Variants in CDH2 observed in about 807,000 individuals in gnomAD.
The protein encoded by CDH2 is cadherin-2.
CDH2 carries 17 observed loss-of-function variants against 92.0 expected under a neutral mutation model. The ratio of observed to expected loss-of-function variants is 0.18; its 90% CI spans 0.13 to 0.28. The LOEUF (loss-of-function observed/expected upper bound fraction) is 0.28, where lower values mean the gene tolerates loss of function less well. CDH2 is among the 10% of genes least tolerant of loss of function. The pLI, the probability that CDH2 is intolerant of heterozygous loss-of-function variation, is 1.00. For synonymous variants in CDH2, 419 were observed against 415.9 expected, an observed-to-expected ratio of 1.01 and a Z score of -0.09; for missense variants, 862 against 1,133.1, an observed-to-expected ratio of 0.76 and a Z score of 3.44.
At chr18:27,993,252 T>A (rs909139675) in intron 8 of CDH2, among the ~76,000 whole-genome samples, 3 of 152,170 alleles carry the variant, frequency 2.0e-5, no homozygotes, top group African/African-American at 7.2e-5. Context: ...AACAGCACAG[T>A]CTTTTTAGGA....
At position 28,114,155 on chromosome 18, in the gene CDH2, A is replaced by G. The variant is rs1236044200; in HGVS notation, c.172+33518T>C. ...GTGTTCTATAGCACTGTAGGATGAC[A>G]CTAACAATATTTCATAGTTTCAAAT... On this transcript the variant is annotated intron_variant, in intron 2 of 15. Transcript: ENST00000269141. Among the ~76,000 whole-genome samples, 4 of 152,156 alleles carry G rather than the reference A, an allele frequency of 2.6e-5. No individual in the cohort carries two copies. The East Asian group carries it at 5.8e-4, about 22-fold the overall frequency.
chr18:27,949,888 A>C (rs984630236), downstream of CDH2, among the ~76,000 whole-genome samples: 1 of 152,044 alleles, frequency 6.6e-6, no homozygotes, highest in Non-Finnish European at 1.5e-5. Context: ...ATACATATAC[A>C]CACTAGATAT....
At chr18:28,098,628 A>C (rs2015176625) in intron 2 of CDH2, among the ~76,000 whole-genome samples, 1 of 152,146 alleles carries the variant, frequency 6.6e-6, no homozygotes. Context: ...GCTTAGGAAC[A>C]CTAGACAGCA....
At position 28,177,100 on chromosome 18, in the gene CDH2, G is replaced by C. The variant is rs2016561104; in HGVS notation, c.-78C>G. The C allele has an allele frequency of 8.8e-7, 1 of 1,134,176 alleles. No individual in the cohort carries two copies. Among genetic ancestry groups the C allele is most frequent in the East Asian group, 3.0e-5 (1 of 33,126 alleles). The allele number at this position is 1,134,176 out of a possible 1,614,324, so 70.3% of individuals were successfully genotyped here. A position where few individuals can be genotyped will look rare whatever the true frequency, so the allele number is the denominator to read the frequency against. ...CGGCGGCGGAGGAGGAGGAGGCAGC[G>C]GCAGCACCAACAGCGGCGCGGAGAA... On this transcript the variant is annotated 5_prime_UTR_variant, in exon 1 of 16. Coordinates refer to ENST00000269141, the MANE Select transcript of CDH2 (RefSeq NM_001792.5).
chr18:28,113,928 C>A (rs2144258777), intron 2 of CDH2, among the ~76,000 whole-genome samples: 1 of 152,108 alleles, frequency 6.6e-6, no homozygotes, highest in Admixed American at 6.5e-5. Flanking sequence ...ATGACAGTAT[C>A]TGGAGAAAGA....
chr18:27,946,589 A>G (rs942376264), downstream of CDH2, among the ~76,000 whole-genome samples: 1 of 152,032 alleles, frequency 6.6e-6, no homozygotes, highest in African/African-American at 2.4e-5. Context: ...TTTAATGGAG[A>G]GTTCATTGTG....
intron 2 of CDH2, among the ~76,000 whole-genome samples, chr18:28,066,040 T>G (rs1449106267): frequency 1.3e-5 from 2 of 152,206 alleles, no homozygotes; most frequent in African/African-American, 4.8e-5. Context: ...TCTCCCTATT[T>G]GTGCATCAAA....
intron 2 of CDH2, among the ~76,000 whole-genome samples, chr18:28,111,726 G>A (rs761310562): frequency 6.6e-6 from 1 of 152,164 alleles, no homozygotes; most frequent in Non-Finnish European, 1.5e-5. Flanking sequence ...GATTGAAAAT[G>A]TCATTCACCT....
At chr18:28,084,839 A>T (rs2014897336) in intron 2 of CDH2, among the ~76,000 whole-genome samples, 1 of 152,124 alleles carries the variant, frequency 6.6e-6, no homozygotes, top group East Asian at 1.9e-4. Context: ...TAATCTGGTA[A>T]CCAGTAACAA....
rs745456184 is a variant in CDH2 at position 28,147,710 on chromosome 18, T to C, written c.135A>G (p.Leu45=). 5.6e-6 allele frequency: 9 copies of C among 1,612,090 alleles called. No homozygotes were observed. Among genetic ancestry groups the C allele is most frequent in the Admixed American group, 1.7e-5 (1 of 59,894 alleles). ...GFPEDVYSAV[L]SKDVHEGQPL... ...GCTGTCCTTCATGCACATCCTTCGATAAGACTGCACTGTAAACATCTTCAG... is the reference window on the plus strand; with the variant it reads ...GCTGTCCTTCATGCACATCCTTCGACAAGACTGCACTGTAAACATCTTCAG... The change falls in exon 2 of 16, where the codon TTA becomes TTG. Residue 45 remains leucine, a synonymous_variant. Coordinates refer to ENST00000269141, the MANE Select transcript of CDH2 (RefSeq NM_001792.5).
chr18:28,097,184 T>TTCTGCATCTGTGTCTACAAGGAA (rs1172937437), intron 2 of CDH2: 2 of 152,178 alleles, frequency 1.3e-5, no homozygotes, highest in Non-Finnish European at 2.9e-5. Flanking sequence ...CTTTCTTCAC[T>TTCTGCATCTGTGTCTACAAGGAA]TCTGCATCTG....
chr18:28,104,418 T>C (rs1220293057), intron 2 of CDH2, among the ~76,000 whole-genome samples: 2 of 152,048 alleles, frequency 1.3e-5, no homozygotes, highest in Non-Finnish European at 2.9e-5. Flanking sequence ...ATATTTAATT[T>C]TTCTCCTTCT....
At chr18:28,127,027 C>T (rs1023881809) in intron 2 of CDH2, among the ~76,000 whole-genome samples, 2 of 152,100 alleles carry the variant, frequency 1.3e-5, no homozygotes, top group Admixed American at 6.6e-5. Flanking sequence ...CTTGGCCAGG[C>T]AGGTGGACTT....
intron 2 of CDH2, among the ~76,000 whole-genome samples, chr18:28,112,551 C>G (rs1276757763): frequency 6.6e-6 from 1 of 152,186 alleles, no homozygotes; most frequent in Non-Finnish European, 1.5e-5. Context: ...AGTTAACAGG[C>G]AGGTTTTCTA....
chr18:27,974,506 TCA>T (rs2143922684), intron 14 of CDH2, among the ~76,000 whole-genome samples: 1 of 152,328 alleles, frequency 6.6e-6, no homozygotes, highest in Non-Finnish European at 1.5e-5. Context: ...GAACAGATTC[TCA>T]GTTTATAAAA....
chr18:28,065,768 TA>T (rs886472952), intron 2 of CDH2, among the ~76,000 whole-genome samples: 8 of 152,202 alleles, frequency 5.3e-5, no homozygotes, highest in Admixed American at 2.0e-4. Context: ...CAGGAGAACA[TA>T]ACCAATGATA....
chr18:28,161,662 C>A (rs17495272), intron 1 of CDH2, among the ~76,000 whole-genome samples: 1 of 151,572 alleles, frequency 6.6e-6, no homozygotes, highest in African/African-American at 2.4e-5. Context: ...CTGACAGATG[C>A]CCATCTCGCC....
Position 27,978,237 on chromosome 18 carries a change from C to A in CDH2, c.2349+4707G>T, listed in dbSNP as rs932781070. On this transcript the variant is annotated intron_variant, in intron 14 of 15. Coordinates refer to ENST00000269141, the MANE Select transcript of CDH2 (RefSeq NM_001792.5). ...AAAGAAAAAGTAAAACAGAATCCAC[C>A]AAAAATCTAAAAACAAACAAACTTT... 2.2e-5 allele frequency among the ~76,000 whole-genome samples: 3 copies of A among 138,326 alleles called. No individual in the cohort carries two copies. In the Admixed American group the frequency reaches 2.4e-4, roughly 11 times the overall value. 90.7% of individuals were successfully genotyped at this position (138,326 alleles called of 152,430 possible).
intron 2 of CDH2, among the ~76,000 whole-genome samples, chr18:28,105,490 CCTG>C (rs1487197570): frequency 7.2e-5 from 11 of 152,048 alleles, no homozygotes; most frequent in Admixed American, 2.6e-4. Context: ...CTTCCAAATT[CCTG>C]CTATCATTTT....
Sources: gnomAD v4.1 joint callset for allele counts (sites outside exome capture counted in the v4.1 genomes callset) on GRCh38, gnomAD v4.1.1 for gene constraint, MANE v1.5 for transcripts, NCBI Gene and HGNC (gene_info 2026-07-23, HGNC 2026-07-21) for gene names.